Variants in RBPJ observed in about 807,000 individuals in gnomAD.
RBPJ encodes the protein recombining binding protein suppressor of hairless.
RBPJ carries 9 observed loss-of-function variants against 67.8 expected under a neutral mutation model. The ratio of observed to expected loss-of-function variants is 0.13; its 90% CI spans 0.08 to 0.23. The LOEUF (loss-of-function observed/expected upper bound fraction) is 0.23. Ranked by LOEUF, RBPJ falls within the 10% of genes least tolerant of loss-of-function variation. The probability of loss-of-function intolerance (pLI) is 1.00; values close to 1 mark genes in which losing one functional copy is unlikely to be tolerated. For missense variants in RBPJ, 305 were observed against 595.6 expected, an observed-to-expected ratio of 0.51 and a Z score of 5.08; for synonymous variants, 198 against 203.3, an observed-to-expected ratio of 0.97 and a Z score of 0.22.
At chr4:26,326,972 A>G (rs1442768496) in intron 1 of RBPJ, among the ~76,000 whole-genome samples, 1 of 152,090 alleles carries the variant, frequency 6.6e-6, no homozygotes, top group Non-Finnish European at 1.5e-5. Context: ...TTGACCACGA[A>G]TGTTGTCATT....
At chr4:26,134,777 A>C in the RBPJ span, among the ~76,000 whole-genome samples, 1 of 152,214 alleles carries the variant, frequency 6.6e-6, no homozygotes, top group Non-Finnish European at 1.5e-5. Flanking sequence ...TACTTGACAC[A>C]CACAGTGGCC....
chr4:26,129,548 G>T, the RBPJ span, among the ~76,000 whole-genome samples: 1 of 152,160 alleles, frequency 6.6e-6, no homozygotes, highest in East Asian at 1.9e-4. Flanking sequence ...CTTACTTTGG[G>T]GGACCTCATT....
At chr4:26,316,827 C>CTTTTTTTTTTT (rs56130072), upstream of RBPJ, among the ~76,000 whole-genome samples, 5 of 71,396 alleles carry the variant, frequency 7.0e-5, 2 homozygotes, top group African/African-American at 1.1e-4. Flanking sequence ...ACCCAGACGA[C>CTTTTTTTTTTT]TTTTTTTTTT....
chr4:26,228,081 C>T (rs1719142402), intron 1 of RBPJ, among the ~76,000 whole-genome samples: 1 of 152,222 alleles, frequency 6.6e-6, no homozygotes, highest in Non-Finnish European at 1.5e-5. Context: ...TGCGCCCCAC[C>T]CATCCCTTAA....
intron 1 of RBPJ, among the ~76,000 whole-genome samples, chr4:26,281,252 T>A (rs1467679319): frequency 6.6e-6 from 1 of 152,178 alleles, no homozygotes; most frequent in Non-Finnish European, 1.5e-5. Context: ...GGATACTGTT[T>A]GAGAATCCCT....
chr4:26,247,880 A>G (rs1375122927), intron 1 of RBPJ, among the ~76,000 whole-genome samples: 2 of 152,166 alleles, frequency 1.3e-5, no homozygotes, highest in Non-Finnish European at 2.9e-5. Flanking sequence ...GAAACTACCT[A>G]TTTGGGTACT....
intron 1 of RBPJ, among the ~76,000 whole-genome samples, chr4:26,215,350 A>AG (rs1346316121): frequency 3.2e-5 from 4 of 123,954 alleles, no homozygotes; most frequent in Non-Finnish European, 4.9e-5. Context: ...AAAGAAAGAA[A>AG]AAAAGAAGGA....
At chr4:26,127,040 A>G in the RBPJ span, among the ~76,000 whole-genome samples, 1 of 152,226 alleles carries the variant, frequency 6.6e-6, no homozygotes, top group African/African-American at 2.4e-5. Flanking sequence ...AAGCTGAGAT[A>G]GCACTGAGAA....
chr4:26,229,439 C>T (rs1452120623), intron 1 of RBPJ, among the ~76,000 whole-genome samples: 1 of 152,210 alleles, frequency 6.6e-6, no homozygotes, highest in Non-Finnish European at 1.5e-5. Flanking sequence ...GGCCCCACAG[C>T]ACCCTCTGGT....
chr4:26,367,269 G>C (rs1728732274), intron 1 of RBPJ, among the ~76,000 whole-genome samples: 1 of 152,098 alleles, frequency 6.6e-6, no homozygotes, highest in African/African-American at 2.4e-5. Flanking sequence ...GACCACCTGG[G>C]GTCAGGAGTT....
intron 1 of RBPJ, among the ~76,000 whole-genome samples, chr4:26,184,228 A>G (rs1404985448): frequency 1.3e-5 from 2 of 151,870 alleles, no homozygotes; most frequent in East Asian, 1.9e-4. Flanking sequence ...AACACTTGTT[A>G]AAGACAAGTG....
intron 1 of RBPJ, among the ~76,000 whole-genome samples, chr4:26,244,492 T>G (rs1441744467): frequency 1.3e-5 from 2 of 149,768 alleles, no homozygotes; most frequent in African/African-American, 4.9e-5. Context: ...TGTATACATA[T>G]ATGTGTGTAT....
intron 1 of RBPJ, among the ~76,000 whole-genome samples, chr4:26,286,519 C>T (rs1447904997): frequency 6.8e-6 from 1 of 147,552 alleles, no homozygotes; most frequent in Non-Finnish European, 1.5e-5. Flanking sequence ...AATTCATGTA[C>T]TTTAAGCTCT....
chr4:26,331,097 A>G (rs1379564967), intron 1 of RBPJ, among the ~76,000 whole-genome samples: 2 of 152,170 alleles, frequency 1.3e-5, no homozygotes, highest in East Asian at 3.9e-4. Flanking sequence ...GGGGAGGGGA[A>G]GGCCTGTGTT....
At chr4:26,387,605 A>C (rs1387180912) in intron 2 of RBPJ, among the ~76,000 whole-genome samples, 3 of 152,202 alleles carry the variant, frequency 2.0e-5, no homozygotes, top group Non-Finnish European at 4.4e-5. Context: ...AGGGCAAGAC[A>C]GTTAGCAGGG....
chr4:26,291,597 G>A (rs1216057214), intron 1 of RBPJ, among the ~76,000 whole-genome samples: 1 of 148,386 alleles, frequency 6.7e-6, no homozygotes, highest in Non-Finnish European at 1.5e-5. Flanking sequence ...TTTTTTTTGA[G>A]ATGGAGTCTC....
At chr4:26,346,974 A>C (rs1367458603) in intron 1 of RBPJ, among the ~76,000 whole-genome samples, 4 of 151,914 alleles carry the variant, frequency 2.6e-5, no homozygotes, top group African/African-American at 9.7e-5. Context: ...TCTGGGTGAC[A>C]GAGCGAGACT....
intron 1 of RBPJ, among the ~76,000 whole-genome samples, chr4:26,351,176 A>C (rs1376046450): frequency 6.6e-6 from 1 of 152,180 alleles, no homozygotes; most frequent in Non-Finnish European, 1.5e-5. Context: ...TCCCAGGCCC[A>C]TCCTGTGGAT....
At chr4:26,189,266 T>C (rs1269641144) in intron 1 of RBPJ, among the ~76,000 whole-genome samples, 4 of 152,184 alleles carry the variant, frequency 2.6e-5, no homozygotes, top group African/African-American at 9.7e-5. Flanking sequence ...ATGCTCAAAC[T>C]TTTCTATTTA....
Sources: gnomAD v4.1 joint callset for allele counts (sites outside exome capture counted in the v4.1 genomes callset) on GRCh38, gnomAD v4.1.1 for gene constraint, MANE v1.5 for transcripts, NCBI Gene and HGNC (gene_info 2026-07-23, HGNC 2026-07-21) for gene names.